Variants in AGPS observed in about 807,000 individuals in gnomAD.
AGPS encodes the protein alkyldihydroxyacetonephosphate synthase, peroxisomal.
AGPS carries 26 observed loss-of-function variants against 90.7 expected under a neutral mutation model. The ratio of observed to expected loss-of-function variants is 0.29; its 90% CI spans 0.21 to 0.40. The LOEUF (loss-of-function observed/expected upper bound fraction) is 0.40. AGPS is among the 10% of genes least tolerant of loss of function. The pLI is 1.00. For missense variants in AGPS, 540 were observed against 816.1 expected (o/e 0.66, Z 4.12); for synonymous variants, 294 against 285.3 (o/e 1.03, Z -0.31).
At chr2:177,506,106 A>G (rs1344855518) in intron 15 of AGPS, among the ~76,000 whole-genome samples, 4 of 151,840 alleles carry the variant, frequency 2.6e-5, no homozygotes, top group Admixed American at 1.3e-4. Context: ...AGTCTGTTGT[A>G]TTTACTGATA....
chr2:177,499,477 A>G (rs985680791), intron 13 of AGPS, 141 bp from the exon 14 acceptor site: 8 of 597,480 alleles, frequency 1.3e-5, no homozygotes, highest in Admixed American at 6.0e-5. Context: ...TTAGTGATTG[A>G]CATGTAAAGT....
At chr2:177,523,855 T>C in intron 19 of AGPS, 50 bp downstream of exon 19, 6 of 1,457,934 alleles carry the variant, frequency 4.1e-6, no homozygotes, top group Non-Finnish European at 5.8e-6. Context: ...TTAAAAAATA[T>C]TCAGTTCAGT....
At chr2:177,490,288 T>C (rs1039767994) in intron 11 of AGPS, among the ~76,000 whole-genome samples, 1 of 152,188 alleles carries the variant, frequency 6.6e-6, no homozygotes, top group Non-Finnish European at 1.5e-5. Context: ...AAATATCAAT[T>C]ACCAGGAGAT....
intron 16 of AGPS, among the ~76,000 whole-genome samples, chr2:177,513,531 T>G (rs1688939693): frequency 6.6e-6 from 1 of 152,212 alleles, no homozygotes; most frequent in East Asian, 1.9e-4. Flanking sequence ...GATTTTGAAA[T>G]CAGGCTTTCC....
intron 11 of AGPS, among the ~76,000 whole-genome samples, chr2:177,490,846 C>CTTTTTTTT (rs61555724): frequency 1.7e-5 from 1 of 58,198 alleles, no homozygotes; most frequent in Non-Finnish European, 3.1e-5. Context: ...AAGTTGCAGA[C>CTTTTTTTT]TTTTTTTTTT....
intron 9 of AGPS, among the ~76,000 whole-genome samples, chr2:177,466,995 C>T (rs1687474786): frequency 6.6e-6 from 1 of 152,298 alleles, no homozygotes; most frequent in Non-Finnish European, 1.5e-5. Flanking sequence ...GGCTTTTGCT[C>T]TGCCAACTAG....
chr2:177,445,728 G>A (rs1686749958), intron 8 of AGPS, 102 bp downstream of exon 8: 1 of 750,788 alleles, frequency 1.3e-6, no homozygotes, highest in Admixed American at 2.9e-5. Context: ...TCCCCTCTAT[G>A]AATGAAATAC....
intron 1 of AGPS, among the ~76,000 whole-genome samples, chr2:177,409,854 C>A (rs957334975): frequency 1.3e-5 from 2 of 152,124 alleles, no homozygotes; most frequent in Non-Finnish European, 2.9e-5. Flanking sequence ...GTTAAAGATA[C>A]AGGGATTGAA....
intron 2 of AGPS, among the ~76,000 whole-genome samples, chr2:177,425,426 G>T (rs907050239): frequency 1.3e-5 from 2 of 151,884 alleles, no homozygotes; most frequent in African/African-American, 2.4e-5. Context: ...TTTGAGACCA[G>T]CCTGACCAAC....
chr2:177,491,235 A>G (rs958775144), intron 11 of AGPS, among the ~76,000 whole-genome samples: 1 of 150,370 alleles, frequency 6.7e-6, no homozygotes, highest in Admixed American at 6.7e-5. Context: ...CTTTATAACT[A>G]CAATACCATT....
At chr2:177,527,785 G>A (rs1009208417) in intron 19 of AGPS, among the ~76,000 whole-genome samples, 1 of 152,138 alleles carries the variant, frequency 6.6e-6, no homozygotes, top group Non-Finnish European at 1.5e-5. Context: ...TTGGGTTGAA[G>A]TTGAATCTAG....
intron 1 of AGPS, 43 bp downstream of exon 1, chr2:177,393,092 GC>G: frequency 6.5e-7 from 1 of 1,550,248 alleles, no homozygotes; most frequent in South Asian, 1.2e-5. Context: ...GAGGGACCAG[GC>G]CGGGCCTGTG....
rs778190475 is a variant in AGPS at position 177,490,371 on chromosome 2, A to G, written c.1234-2777A>G. ...ATTTAGTTATGACAATAACTGAAAA[A>G]CTCTACTGACTTTTTAAAAATCTGG... On this transcript the variant is annotated intron_variant, in intron 11 of 19. Transcript: ENST00000264167. 2.0e-4 allele frequency among the ~76,000 whole-genome samples: 31 copies of G among 152,204 alleles called. 1 individual carries two copies. The South Asian group carries it at 3.1e-3, about 15-fold the overall frequency.
At chr2:177,537,085 GT>G (rs2079191098) in intron 19 of AGPS, among the ~76,000 whole-genome samples, 1 of 152,044 alleles carries the variant, frequency 6.6e-6, no homozygotes, top group South Asian at 2.1e-4. Context: ...ATGATAATAG[GT>G]TTTTTGGAGA....
chr2:177,432,642 A>G (rs571685704), intron 2 of AGPS, among the ~76,000 whole-genome samples: 3 of 152,270 alleles, frequency 2.0e-5, no homozygotes, highest in Admixed American at 2.0e-4. Flanking sequence ...AATTTTATAC[A>G]TGATAGTAAC....
intron 2 of AGPS, among the ~76,000 whole-genome samples, chr2:177,429,256 G>A (rs1686167782): frequency 6.6e-6 from 1 of 152,076 alleles, no homozygotes; most frequent in African/African-American, 2.4e-5. Context: ...GTTAGAGCAT[G>A]TTCCTTTAGC....
rs1436755016 is a variant in AGPS, at chr2:177,473,102, G to A, written c.1105+4578G>A. Among the ~76,000 whole-genome samples the A allele has an allele frequency of 3.3e-5, 5 of 152,066 alleles. 1 individual carries two copies. The highest frequency in any genetic ancestry group is 2.1e-4 in the South Asian group (1 of 4,830). ...TACTTTTCATACTTATAAGCTTATA[G>A]CAGCTGGAAGGCTACAGGAAATCTG... On this transcript the variant is annotated intron_variant, in intron 10 of 19. Transcript: ENST00000264167.
intron 8 of AGPS, among the ~76,000 whole-genome samples, chr2:177,461,586 G>A (rs1233403117): frequency 6.6e-6 from 1 of 152,076 alleles, no homozygotes; most frequent in Non-Finnish European, 1.5e-5. Context: ...AAAAAAAGTG[G>A]GGAAGGACAG....
intron 14 of AGPS, among the ~76,000 whole-genome samples, chr2:177,502,047 TA>T (rs1175274313): frequency 2.6e-5 from 4 of 152,340 alleles, no homozygotes; most frequent in Admixed American, 2.0e-4. Flanking sequence ...ATTAAAACTA[TA>T]AGTGAATCTT....
Sources: gnomAD v4.1 joint callset for allele counts (sites outside exome capture counted in the v4.1 genomes callset) on GRCh38, gnomAD v4.1.1 for gene constraint, MANE v1.5 for transcripts, NCBI Gene and HGNC (gene_info 2026-07-23, HGNC 2026-07-21) for gene names.